Variants in CMYA5 observed in about 807,000 individuals in gnomAD.
The protein encoded by CMYA5 is cardiomyopathy associated 5.
In CMYA5, 246 loss-of-function variants were observed where a neutral mutation model predicts 318.9. The ratio of observed to expected loss-of-function variants is 0.77; its 90% confidence interval spans 0.70 to 0.86. The LOEUF (loss-of-function observed/expected upper bound fraction) is 0.86, where lower values mean the gene tolerates loss of function less well. CMYA5 is among the 40% of genes least tolerant of loss of function. CMYA5 has a pLI of 0.00. For missense variants in CMYA5, 4,589 were observed against 4,678.2 expected (o/e 0.98, Z 0.56); for synonymous variants, 1,641 against 1,729.5 (o/e 0.95, Z 1.27).
In CMYA5 at chr5:79,758,784, ACCAAAT is replaced by A. The variant is rs1192408458; in HGVS notation, c.11143_11148del (p.Pro3715_Asn3716del). On this transcript the variant is annotated inframe_deletion, in exon 7 of 13. Coordinates refer to ENST00000446378, the MANE Select transcript of CMYA5 (RefSeq NM_153610.5). The stretch of plus-strand genomic sequence containing the variant: ...AGCCTCCTAGATTAGAACCTCAGGA[ACCAAAT>A]TCTGCCACCAGCACAACAATTGCAG... 3.1e-6 allele frequency: 5 copies of A among 1,605,590 alleles called. No homozygotes were observed. In the South Asian group the frequency reaches 5.6e-5, roughly 18 times the overall value.
At chr5:79,797,368 C>T (rs1044657432) in intron 12 of CMYA5, among the ~76,000 whole-genome samples, 3 of 152,202 alleles carry the variant, frequency 2.0e-5, no homozygotes, top group Non-Finnish European at 4.4e-5. Context: ...TGCCAGTTAA[C>T]AGGGTTATTA....
intron 2 of CMYA5, among the ~76,000 whole-genome samples, chr5:79,743,502 G>A: frequency 6.6e-6 from 1 of 152,260 alleles, no homozygotes; most frequent in Middle Eastern, 3.4e-3. Flanking sequence ...TCTTACTAGA[G>A]AGAACGCATT....
At position 79,733,984 on chromosome 5, in the gene CMYA5, A is replaced by T; in HGVS notation, c.5219A>T (p.Glu1740Val). 6.2e-7 allele frequency: 1 copy of T among 1,613,636 alleles called. No individual in the cohort carries two copies. Among genetic ancestry groups the T allele is most frequent in the East Asian group, 2.2e-5 (1 of 44,876 alleles). ...ASVAEGGNPEEFQPFTFSLKG... is the reference protein window; with the variant it reads ...ASVAEGGNPEVFQPFTFSLKG... ...GTAGCTGAAGGAGGCAACCCAGAAG[A>T]ATTTCAGCCATTTACTTTTTCTTTA... Residue 1740 changes from glutamate (E) to valine (V), a missense_variant, in exon 2 of 13, where the codon GAA becomes GTA. Glu to Val is a moderately radical substitution (Grantham distance 121, BLOSUM62 -2). This residue lies in a region of CMYA5 where 2,132 missense variants were observed against 2,131.3 expected (regional missense o/e 1.00). Coordinates refer to ENST00000446378, the MANE Select transcript of CMYA5 (RefSeq NM_153610.5).
At chr5:79,788,324 C>T (rs914966200) in intron 9 of CMYA5, among the ~76,000 whole-genome samples, 2 of 151,960 alleles carry the variant, frequency 1.3e-5, no homozygotes, top group Admixed American at 6.6e-5. Flanking sequence ...CAGAGAGCTC[C>T]GTCTTCAAAT....
At chr5:79,753,953 G>A (rs752904788) in intron 6 of CMYA5, among the ~76,000 whole-genome samples, 13 of 152,218 alleles carry the variant, frequency 8.5e-5, no homozygotes, top group Non-Finnish European at 1.9e-4. Context: ...TTCATTATAT[G>A]CCACTGTTCA....
chr5:79,699,455 G>T (rs755045331), intron 1 of CMYA5, among the ~76,000 whole-genome samples: 2 of 152,188 alleles, frequency 1.3e-5, no homozygotes, highest in African/African-American at 4.8e-5. Context: ...CTTTGAGAGG[G>T]TTTAAGCCTA....
chr5:79,791,797 A>C (rs1829185405), intron 11 of CMYA5, among the ~76,000 whole-genome samples: 1 of 152,014 alleles, frequency 6.6e-6, no homozygotes, highest in African/African-American at 2.4e-5. Context: ...TTGCTTCCGT[A>C]GTAGCTCCCG....
At chr5:79,789,241 A>G (rs1829135208) in intron 10 of CMYA5, 137 bp downstream of exon 10, 1 of 956,622 alleles carries the variant, frequency 1.0e-6, no homozygotes, top group Non-Finnish European at 1.5e-6. Context: ...TGAGGACCCA[A>G]GGTTGGTCAA....
Position 79,799,873 on chromosome 5 carries a change from A to AACAACG in CMYA5, c.*258_*259insCAACGA. 2.8e-5 allele frequency: 4 copies of AACAACG among 142,342 alleles called. No individual in the cohort carries two copies. The highest frequency in any genetic ancestry group is 1.5e-4 in the South Asian group (1 of 6,880). 8.8% of individuals were successfully genotyped at this position (142,342 alleles called of 1,614,324 possible). ...AAGTTTGAGTTCTTTCCTAAATTAA[A>AACAACG]AGATCTACACTTGAGTTGGGAACCG... On this transcript the variant is annotated 3_prime_UTR_variant, in exon 13 of 13. Coordinates refer to ENST00000446378, the MANE Select transcript of CMYA5 (RefSeq NM_153610.5).
chr5:79,784,842 G>A (rs1031349235), intron 9 of CMYA5, among the ~76,000 whole-genome samples: 2 of 150,806 alleles, frequency 1.3e-5, no homozygotes, highest in African/African-American at 4.9e-5. Context: ...AGATGAACCC[G>A]GTACCTCAGA....
At chr5:79,791,140 G>A in intron 11 of CMYA5, 71 bp downstream of exon 11, 2 of 1,040,586 alleles carry the variant, frequency 1.9e-6, no homozygotes, top group South Asian at 1.3e-5. Flanking sequence ...TCGCCTCAGG[G>A]TGGCCTCCGC....
In CMYA5 at chr5:79,739,198, A is replaced by C; in HGVS notation, c.10433A>C (p.Gln3478Pro). ...GCAGAACAAAGTACACCTGCTGAAC[A>C]AAAAGAGTTGGGCAGCGAGAGGAAA... ...SEAEQSTPAE[Q>P]KELGSERKEE... The change falls in exon 2 of 13, where the codon CAA (glutamine) becomes CCA (proline). Residue 3478 changes from glutamine (Q) to proline (P), a missense_variant. By Grantham distance (76) the Gln-to-Pro change is moderately conservative (BLOSUM62 -1). Transcript: ENST00000446378. The C allele has an allele frequency of 6.2e-7, 1 of 1,613,496 alleles. No homozygotes were observed. The highest frequency in any genetic ancestry group is 8.5e-7 in the Non-Finnish European group (1 of 1,179,690).
chr5:79,757,331 A>G (rs16877176), intron 6 of CMYA5, among the ~76,000 whole-genome samples: 2,358 of 152,278 alleles, frequency 0.015, 60 homozygotes, highest in African/African-American at 0.054. Context: ...ATGGCATTGC[A>G]TATACCATTA....
In CMYA5 at chr5:79,730,831, G is replaced by A; in HGVS notation, c.2066G>A (p.Cys689Tyr). ...LSGDEASESG[C>Y]YTPDSTSASE... The stretch of plus-strand genomic sequence containing the variant: ...GGAGACGAGGCCTCAGAAAGTGGGT[G>A]TTACACACCAGACTCCACATCTGCT... Residue 689 changes from cysteine (C) to tyrosine (Y), a missense_variant, in exon 2 of 13, where the codon TGT (cysteine) becomes TAT (tyrosine). Physicochemically the swap from Cys to Tyr is radical, Grantham distance 194. Coordinates refer to ENST00000446378, the MANE Select transcript of CMYA5 (RefSeq NM_153610.5). The A allele has an allele frequency of 6.2e-7, 1 of 1,613,882 alleles. No individual in the cohort carries two copies. The highest frequency in any genetic ancestry group is 8.5e-7 in the Non-Finnish European group (1 of 1,179,852).
chr5:79,790,607 G>A (rs889913432), intron 10 of CMYA5, among the ~76,000 whole-genome samples: 3 of 152,302 alleles, frequency 2.0e-5, no homozygotes, highest in Middle Eastern at 3.4e-3. Flanking sequence ...GATTTCCTGA[G>A]GATCTTGTTA....
rs1484501126 is a variant in CMYA5 at position 79,735,067 on chromosome 5, C to T, written c.6302C>T (p.Pro2101Leu). The T allele has an allele frequency of 6.2e-7, 1 of 1,613,788 alleles. No individual in the cohort carries two copies. Among genetic ancestry groups the T allele is most frequent in the South Asian group, 1.1e-5 (1 of 91,074 alleles). ...ACACCTCCTTTTCCTGAAGAGAAGC[C>T]ATTGGAAGAATCAAAAATGGTTCAG... Reference protein sequence around the residue: ...RSTPPFPEEKPLEESKMVQSK... With the variant: ...RSTPPFPEEKLLEESKMVQSK... Residue 2101 changes from proline (P) to leucine (L), a missense_variant, in exon 2 of 13, where the codon CCA becomes CTA. Coordinates refer to ENST00000446378, the MANE Select transcript of CMYA5 (RefSeq NM_153610.5).
chr5:79,728,485 A>G (rs1381740792), intron 1 of CMYA5, among the ~76,000 whole-genome samples: 1 of 152,056 alleles, frequency 6.6e-6, no homozygotes, highest in Non-Finnish European at 1.5e-5. Context: ...TTAGGAAGTT[A>G]ATGGCAGTGA....
intron 12 of CMYA5, among the ~76,000 whole-genome samples, chr5:79,796,827 A>G (rs1231553754): frequency 6.8e-6 from 1 of 147,020 alleles, no homozygotes; most frequent in Admixed American, 7.0e-5. Flanking sequence ...TTATGCATTC[A>G]TTCTTACATT....
rs1827983868 is a variant in CMYA5 at position 79,733,915 on chromosome 5, C to T, written c.5150C>T (p.Ser1717Phe). The change falls in exon 2 of 13, where the codon TCT becomes TTT. Residue 1717 changes from serine to phenylalanine, a missense_variant. By Grantham distance (155) the Ser-to-Phe change is radical. Coordinates refer to ENST00000446378, the MANE Select transcript of CMYA5 (RefSeq NM_153610.5). ...ESQNEEIKPF[S>F]PKIISLESKE... ...CAGAATGAAGAAATTAAACCTTTCT[C>T]TCCCAAGATCATCAGCCTAGAGTCG... 1 of 1,613,136 alleles carries T rather than the reference C, an allele frequency of 6.2e-7. No homozygotes were observed.
Sources: gnomAD v4.1 joint callset for allele counts (sites outside exome capture counted in the v4.1 genomes callset) on GRCh38, gnomAD v4.1.1 for gene constraint, gnomAD v4.1.1 regional missense constraint, MANE v1.5 for transcripts, NCBI Gene and HGNC (gene_info 2026-07-23, HGNC 2026-07-21) for gene names.